RGS6: variants seen among roughly 807,000 people sequenced by gnomAD.
RGS6 encodes regulator of G protein signaling 6.
A neutral mutation model predicts 78.5 loss-of-function variants in RGS6; 30 were observed. The observed-to-expected ratio is 0.38, with a 90% CI of 0.29 to 0.52. The LOEUF (loss-of-function observed/expected upper bound fraction) is 0.52. RGS6 is among the 20% of genes least tolerant of loss of function. The pLI is 0.85. For synonymous variants in RGS6, 206 were observed against 206.0 expected (o/e 1.00, Z 0.00); for missense variants, 495 against 609.7 (o/e 0.81, Z 1.98).
At chr14:71,957,346 G>A (rs1212415112) in intron 1 of RGS6, among the ~76,000 whole-genome samples, 2 of 152,160 alleles carry the variant, frequency 1.3e-5, no homozygotes, top group Non-Finnish European at 2.9e-5. Context: ...GTGTTGGAGG[G>A]AGGGAGGGAA....
chr14:72,184,298 A>C (rs2097209835), intron 2 of RGS6, among the ~76,000 whole-genome samples: 2 of 151,914 alleles, frequency 1.3e-5, no homozygotes, highest in South Asian at 4.2e-4. Flanking sequence ...ACCTTCTTTA[A>C]GCTATTAGTA....
the RGS6 span, among the ~76,000 whole-genome samples, chr14:71,886,298 T>C: frequency 4.6e-5 from 7 of 152,206 alleles, no homozygotes; most frequent in Admixed American, 1.3e-4. Context: ...ATTGTCTGTC[T>C]CTCCCATTAA....
intron 3 of RGS6, among the ~76,000 whole-genome samples, chr14:72,428,397 G>A (rs1186904428): frequency 6.6e-6 from 1 of 152,128 alleles, no homozygotes; most frequent in East Asian, 1.9e-4. Flanking sequence ...TGAATGAATG[G>A]ACAGATGTGA....
intron 1 of RGS6, among the ~76,000 whole-genome samples, chr14:71,939,870 GT>G (rs1279277083): frequency 2.6e-5 from 4 of 152,196 alleles, no homozygotes; most frequent in African/African-American, 9.7e-5. Context: ...ACATGATACT[GT>G]TTTTGATTTG....
chr14:71,970,048 A>G (rs192028700), intron 2 of RGS6, among the ~76,000 whole-genome samples: 35 of 152,344 alleles, frequency 2.3e-4, no homozygotes, highest in African/African-American at 7.5e-4. Context: ...TTAATATTCA[A>G]CAGTGGAATT....
At chr14:72,481,302 G>C (rs776429367) in intron 12 of RGS6, among the ~76,000 whole-genome samples, 3 of 152,178 alleles carry the variant, frequency 2.0e-5, no homozygotes, top group Non-Finnish European at 4.4e-5. Flanking sequence ...TTGTGCTTTG[G>C]AAGAGAGCAG....
intron 3 of RGS6, among the ~76,000 whole-genome samples, chr14:72,427,692 T>A (rs1389287894): frequency 6.6e-6 from 1 of 152,186 alleles, no homozygotes; most frequent in Non-Finnish European, 1.5e-5. Context: ...CACAACCTTA[T>A]TCTCCACCCC....
chr14:72,582,055 T>C, the RGS6 span, among the ~76,000 whole-genome samples: 6 of 152,190 alleles, frequency 3.9e-5, no homozygotes, highest in Non-Finnish European at 5.9e-5. Context: ...CCTACTTTCA[T>C]GGGAACTAAT....
At chr14:72,511,747 C>G (rs1014026744) in intron 14 of RGS6, 1 of 152,206 alleles carries the variant, frequency 6.6e-6, no homozygotes, top group Admixed American at 6.5e-5. Context: ...TGAGAGGACA[C>G]GTAGATGCCG....
At chr14:71,942,416 A>G (rs2090754642) in intron 1 of RGS6, among the ~76,000 whole-genome samples, 1 of 152,108 alleles carries the variant, frequency 6.6e-6, no homozygotes, top group South Asian at 2.1e-4. Flanking sequence ...AAAGCAAGCA[A>G]TCTCCTTGCT....
chr14:72,465,832 A>G lies in RGS6; in HGVS notation c.459+10A>G. On this transcript the variant is annotated intron_variant, in intron 7 of 17. Transcript: ENST00000553525. ...GGCAGATTATGAAGCAGTAAGTATG[A>G]TTATTTTCCAGGATACATATAAGAA... 3 of 1,606,000 alleles carry G rather than the reference A, an allele frequency of 1.9e-6. No individual in the cohort carries two copies. The highest frequency in any genetic ancestry group is 2.6e-6 in the Non-Finnish European group (3 of 1,172,650).
At chr14:72,495,060 A>G in intron 12 of RGS6, 92 bp from the exon 13 acceptor site, 2 of 769,514 alleles carry the variant, frequency 2.6e-6, no homozygotes, top group South Asian at 3.1e-5. Context: ...ATTTAGAATT[A>G]TGTGAAGACT....
the RGS6 span, among the ~76,000 whole-genome samples, chr14:71,896,561 TCC>T: frequency 2.0e-5 from 3 of 152,278 alleles, no homozygotes; most frequent in South Asian, 6.2e-4. Flanking sequence ...TTCTATCTCA[TCC>T]GGTGACTTAG....
At chr14:72,255,286 C>G (rs1303059193) in intron 2 of RGS6, among the ~76,000 whole-genome samples, 3 of 152,108 alleles carry the variant, frequency 2.0e-5, no homozygotes, top group Non-Finnish European at 4.4e-5. Flanking sequence ...GCCTAGGGTG[C>G]AAGAGCCACT....
intron 2 of RGS6, among the ~76,000 whole-genome samples, chr14:72,237,253 C>G (rs573518371): frequency 6.6e-6 from 1 of 152,268 alleles, no homozygotes; most frequent in South Asian, 2.1e-4. Context: ...ATTTACTTAT[C>G]GATGGTCACC....
chr14:72,401,621 T>C (rs1249566098), intron 3 of RGS6, among the ~76,000 whole-genome samples: 1 of 139,538 alleles, frequency 7.2e-6, no homozygotes, highest in Non-Finnish European at 1.6e-5. Flanking sequence ...CAAATGTTTC[T>C]ACTGAGAAAA....
intron 3 of RGS6, among the ~76,000 whole-genome samples, chr14:72,352,859 T>C (rs2079389915): frequency 6.6e-6 from 1 of 152,192 alleles, no homozygotes; most frequent in African/African-American, 2.4e-5. Flanking sequence ...TTCATTGTTT[T>C]TCTTCATAGT....
At chr14:72,307,222 T>C (rs1595598150) in intron 2 of RGS6, among the ~76,000 whole-genome samples, 1 of 150,938 alleles carries the variant, frequency 6.6e-6, no homozygotes, top group East Asian at 2.0e-4. Context: ...TTAGACATAA[T>C]GCTATTGCAC....
the RGS6 span, among the ~76,000 whole-genome samples, chr14:72,597,425 A>G: frequency 6.6e-6 from 1 of 152,206 alleles, no homozygotes; most frequent in Non-Finnish European, 1.5e-5. Context: ...TTTGCCCAGC[A>G]CCTGGAAACC....
Sources: allele counts gnomAD v4.1 joint callset (sites outside exome capture counted in the v4.1 genomes callset), GRCh38; gene constraint gnomAD v4.1.1; transcripts MANE v1.5; gene names NCBI Gene and HGNC (gene_info 2026-07-23, HGNC 2026-07-21).